PEX3: variants seen among roughly 807,000 people sequenced by gnomAD.
PEX3 encodes the protein peroxisomal biogenesis factor 3, also known as peroxin-3.
Under a neutral mutation model 55.8 loss-of-function variants are expected in PEX3, and 30 were observed. The observed-to-expected ratio is 0.54, with a 90% CI of 0.40 to 0.73. The LOEUF (loss-of-function observed/expected upper bound fraction) is 0.73, where lower values mean the gene tolerates loss of function less well. Among genes scored for constraint, PEX3 ranks in the 30% least tolerant of loss-of-function variants. PEX3 has a pLI of 0.00. For synonymous variants in PEX3, 135 were observed against 148.4 expected (o/e 0.91, Z 0.66); for missense variants, 351 against 432.8 (o/e 0.81, Z 1.68).
At chr6:143,474,125 T>C (rs1780115193) in intron 8 of PEX3, among the ~76,000 whole-genome samples, 3 of 151,138 alleles carry the variant, frequency 2.0e-5, no homozygotes, top group African/African-American at 4.9e-5. Flanking sequence ...AGTGAGACCC[T>C]TTCTCAAAAA....
intron 10 of PEX3, among the ~76,000 whole-genome samples, chr6:143,481,012 C>A (rs915151580): frequency 6.6e-6 from 1 of 150,952 alleles, no homozygotes; most frequent in Non-Finnish European, 1.5e-5. Flanking sequence ...ACCCCCCTGC[C>A]CCCCCAAAAA....
Position 143,459,081 on chromosome 6 carries a change from G to C in PEX3, c.74-4G>C. 5 of 1,572,710 alleles carry C rather than the reference G, an allele frequency of 3.2e-6. No homozygotes were observed. The highest frequency in any genetic ancestry group is 4.4e-6 in the Non-Finnish European group (5 of 1,142,566). On this transcript the variant is annotated splice_polypyrimidine_tract_variant and splice_region_variant and intron_variant, in intron 1 of 11. Transcript: ENST00000367591. The surrounding 1 kb of genome is among the most constrained non-coding windows in gnomAD (Gnocchi z 4.2). ...TGAATATAGTACTTTTTTAATGATT[G>C]TAGGAGTATATATTCTGGGGAAATA... is the stretch of plus-strand genomic sequence containing the variant.
rs796441251 is a variant in PEX3, at chr6:143,485,523, A to T, written c.1038+275A>T. On this transcript the variant is annotated intron_variant, in intron 11 of 11. Transcript: ENST00000367591. The surrounding 1 kb of genome is among the most constrained non-coding windows in gnomAD (Gnocchi z 5.6). ...TTATAGTGGTCAGTTGAATTTATATAGCATGAATGTTTGCATTAAGCTGTG... is the reference window on the plus strand; with the variant it reads ...TTATAGTGGTCAGTTGAATTTATATTGCATGAATGTTTGCATTAAGCTGTG... Among the ~76,000 whole-genome samples, 5 of 152,198 alleles carry T rather than the reference A, an allele frequency of 3.3e-5. No homozygotes were observed. Among genetic ancestry groups the T allele is most frequent in the African/African-American group, 1.2e-4 (5 of 41,546 alleles).
chr6:143,476,915 T>C lies in PEX3; in HGVS notation c.818+2059T>C, dbSNP rs1780160614. 6.6e-6 allele frequency among the ~76,000 whole-genome samples: 1 copy of C among 152,072 alleles called. No homozygotes were observed. The highest frequency in any genetic ancestry group is 1.5e-5 in the Non-Finnish European group (1 of 67,990). On this transcript the variant is annotated intron_variant, in intron 9 of 11. Transcript: ENST00000367591. The surrounding 1 kb of genome is among the most constrained non-coding windows in gnomAD (Gnocchi z 5.4). Reference sequence around the variant, plus strand: ...GCAGTCCAACATTTAGAGTTTGGGATCGGGGGAAGAGCCAGCAAAGGAGAC... The same window carrying C: ...GCAGTCCAACATTTAGAGTTTGGGACCGGGGGAAGAGCCAGCAAAGGAGAC...
In PEX3 at chr6:143,459,990, G is replaced by A. The variant is rs1488178029; in HGVS notation, c.205+774G>A. 6.6e-6 allele frequency among the ~76,000 whole-genome samples: 1 copy of A among 152,198 alleles called. No individual in the cohort carries two copies. Among genetic ancestry groups the A allele is most frequent in the Non-Finnish European group, 1.5e-5 (1 of 68,036 alleles). On this transcript the variant is annotated intron_variant, in intron 2 of 11. Coordinates refer to ENST00000367591, the MANE Select transcript of PEX3 (RefSeq NM_003630.3). The surrounding 1 kb of genome is among the most constrained non-coding windows in gnomAD (Gnocchi z 4.2). ...AACCTGCCCATATTTGAAGAGAACA[G>A]TGTGTCCTAACTGGCATAACTGAAG...
rs1236802405 is a variant in PEX3, at chr6:143,465,056, T to G, written c.287+2059T>G. On this transcript the variant is annotated intron_variant, in intron 3 of 11. Transcript: ENST00000367591. The surrounding 1 kb of genome is among the most constrained non-coding windows in gnomAD (Gnocchi z 4.7). ...TTCAATGGCAAAAACAAAAAAATCT[T>G]AAACATCCTCCATCATAAGAGAAGT... 6.6e-6 allele frequency among the ~76,000 whole-genome samples: 1 copy of G among 152,004 alleles called. No individual in the cohort carries two copies. The highest frequency in any genetic ancestry group is 1.5e-5 in the Non-Finnish European group (1 of 67,864).
In PEX3 at chr6:143,466,572, G is replaced by T. The variant is rs1779994707; in HGVS notation, c.288-1550G>T. On this transcript the variant is annotated intron_variant, in intron 3 of 11. Transcript: ENST00000367591. This position sits in a 1 kb window ranked among gnomAD's most constrained non-coding sequence, Gnocchi z 5.4. ...CTTTAACATAGGTATATATGTATAG[G>T]ATAAAACATAGTATATGTAGGGGTT... Among the ~76,000 whole-genome samples the T allele has an allele frequency of 6.6e-6, 1 of 151,936 alleles. No homozygotes were observed. The highest frequency in any genetic ancestry group is 1.5e-5 in the Non-Finnish European group (1 of 67,932).
intron 9 of PEX3, among the ~76,000 whole-genome samples, chr6:143,477,226 TAGAC>T (rs1780165776): frequency 6.6e-6 from 1 of 152,062 alleles, no homozygotes; most frequent in Non-Finnish European, 1.5e-5. Context: ...TTCTGAGAAA[TAGAC>T]AGTATTTAAG....
chr6:143,462,969 G>C lies in PEX3; in HGVS notation c.259G>C (p.Glu87Gln). 6.2e-7 allele frequency: 1 copy of C among 1,613,568 alleles called. No individual in the cohort carries two copies. Among genetic ancestry groups the C allele is most frequent in the Non-Finnish European group, 8.5e-7 (1 of 1,179,660 alleles). Reference protein sequence around the residue: ...REALMQQLNSESLTALLKNRP... With the variant: ...REALMQQLNSQSLTALLKNRP... ...GGCCTTAATGCAGCAACTGAATTCC[G>C]AGAGCCTCACAGCTCTGCTAAAAAA... The change falls in exon 3 of 12, where the codon GAG (glutamate) becomes CAG (glutamine). Residue 87 changes from glutamate (E) to glutamine (Q), a missense_variant. Transcript: ENST00000367591. The surrounding 1 kb of genome is among the most constrained non-coding windows in gnomAD (Gnocchi z 4.1).
At chr6:143,484,953 G>T in intron 10 of PEX3, 199 bp from the exon 11 acceptor site, 2 of 551,958 alleles carry the variant, frequency 3.6e-6, no homozygotes, top group South Asian at 4.1e-5. Flanking sequence ...AAAGATATGT[G>T]TAAAAAAACG....
In PEX3 at chr6:143,454,446, C is replaced by G. The variant is rs2128745116; in HGVS notation, c.73+3331C>G. ...TTGACTTACTGGTTTCTGAAAACCTCAGAACATTGACTTGGATTTATACCT... is the reference window on the plus strand; with the variant it reads ...TTGACTTACTGGTTTCTGAAAACCTGAGAACATTGACTTGGATTTATACCT... On this transcript the variant is annotated intron_variant, in intron 1 of 11. Transcript: ENST00000367591. The surrounding 1 kb of genome is among the most constrained non-coding windows in gnomAD (Gnocchi z 4.3). Among the ~76,000 whole-genome samples the G allele has an allele frequency of 6.6e-6, 1 of 152,298 alleles. No individual in the cohort carries two copies. Among genetic ancestry groups the G allele is most frequent in the Admixed American group, 6.5e-5 (1 of 15,302 alleles).
At position 143,487,114 on chromosome 6, in the gene PEX3, AATAAC is replaced by A. The variant is rs1227251022; in HGVS notation, c.1038+1871_1038+1875del. ...TCAAATTATTTTCAAATAGCTTTCAAATAACATAAGCAGGAGATAAATTATTTCAG... is the reference window on the plus strand; with the variant it reads ...TCAAATTATTTTCAAATAGCTTTCAAATAAGCAGGAGATAAATTATTTCAG... On this transcript the variant is annotated intron_variant, in intron 11 of 11. Transcript: ENST00000367591. This position sits in a 1 kb window ranked among gnomAD's most constrained non-coding sequence, Gnocchi z 5.3. Among the ~76,000 whole-genome samples, 1 of 152,198 alleles carries A rather than the reference AATAAC, an allele frequency of 6.6e-6. No individual in the cohort carries two copies. The highest frequency in any genetic ancestry group is 1.5e-5 in the Non-Finnish European group (1 of 68,020).
chr6:143,471,919 C>A lies in PEX3; in HGVS notation c.579-241C>A, dbSNP rs1780079651. The stretch of plus-strand genomic sequence containing the variant: ...CTGAGGCTTTTACCTCCCATTTATA[C>A]TAGTAATATCTATAATTACAGTAGG... On this transcript the variant is annotated intron_variant, in intron 7 of 11. Transcript: ENST00000367591. This position sits in a 1 kb window ranked among gnomAD's most constrained non-coding sequence, Gnocchi z 5.4. 6.6e-6 allele frequency among the ~76,000 whole-genome samples: 1 copy of A among 152,104 alleles called. No homozygotes were observed. The highest frequency in any genetic ancestry group is 2.4e-5 in the African/African-American group (1 of 41,410).
At chr6:143,469,091 T>G (rs1780035414) in intron 4 of PEX3, among the ~76,000 whole-genome samples, 1 of 152,212 alleles carries the variant, frequency 6.6e-6, no homozygotes, top group Non-Finnish European at 1.5e-5. Context: ...ACATTTGGGT[T>G]GAATTCCAAG....
In PEX3 at chr6:143,471,115, T is replaced by C; in HGVS notation, c.456+30T>C. ...GTTTAATAGACTTAAATAGACATTGTTCTTTCCCTCAGGAGGTTCAAAGTT... is the reference window on the plus strand; with the variant it reads ...GTTTAATAGACTTAAATAGACATTGCTCTTTCCCTCAGGAGGTTCAAAGTT... On this transcript the variant is annotated intron_variant, in intron 5 of 11. Coordinates refer to ENST00000367591, the MANE Select transcript of PEX3 (RefSeq NM_003630.3). This position sits in a 1 kb window ranked among gnomAD's most constrained non-coding sequence, Gnocchi z 5.4. The C allele has an allele frequency of 6.2e-7, 1 of 1,604,990 alleles. No homozygotes were observed. Among genetic ancestry groups the C allele is most frequent in the Non-Finnish European group, 8.5e-7 (1 of 1,172,036 alleles).
rs1779794898 is a variant in PEX3 at position 143,452,889 on chromosome 6, GC to G, written c.73+1775del. On this transcript the variant is annotated intron_variant, in intron 1 of 11. Transcript: ENST00000367591. ...GATTTATATATTTTTAATAGTAACA[GC>G]TACTATTTATTGGGTGCCCACTTTA... Among the ~76,000 whole-genome samples the G allele has an allele frequency of 2.0e-5, 3 of 152,262 alleles. No homozygotes were observed. In the East Asian group the frequency reaches 5.8e-4, roughly 29 times the overall value.
At position 143,485,250 on chromosome 6, in the gene PEX3, TAAG is replaced by T. The variant is rs759856645; in HGVS notation, c.1038+8_1038+10del. The T allele has an allele frequency of 6.6e-7, 1 of 1,513,848 alleles. No homozygotes were observed. The highest frequency in any genetic ancestry group is 9.2e-7 in the Non-Finnish European group (1 of 1,088,812). The allele number at this position is 1,513,848 out of a possible 1,614,324, so 93.8% of individuals were successfully genotyped here. On this transcript the variant is annotated splice_donor_5th_base_variant and intron_variant, in intron 11 of 11. Transcript: ENST00000367591. The surrounding 1 kb of genome is among the most constrained non-coding windows in gnomAD (Gnocchi z 5.6). ...GAAACACCTAGTCATTTTGTTCAGG[TAAG>T]AAGAAAGCTTGGGAGTGTTATTAAA...
chr6:143,452,225 T>G (rs1779783084), intron 1 of PEX3, among the ~76,000 whole-genome samples: 1 of 152,218 alleles, frequency 6.6e-6, no homozygotes, highest in Admixed American at 6.5e-5. Flanking sequence ...CCAAGGATGG[T>G]GTTTTGCATG....
At chr6:143,452,580 T>A (rs539743515) in intron 1 of PEX3, among the ~76,000 whole-genome samples, 51 of 152,248 alleles carry the variant, frequency 3.3e-4, no homozygotes, top group East Asian at 1.5e-3. Context: ...ATAATTTTTT[T>A]AAAAAACTAA....
Sources: allele counts gnomAD v4.1 joint callset (sites outside exome capture counted in the v4.1 genomes callset), GRCh38; gene constraint gnomAD v4.1.1; non-coding constraint Gnocchi (gnomAD v3.1); transcripts MANE v1.5; gene names NCBI Gene and HGNC (gene_info 2026-07-23, HGNC 2026-07-21).